Variants in STK39 observed in about 807,000 individuals in gnomAD.
STK39 encodes the protein serine/threonine kinase 39, also known as STE20/SPS1-related proline-alanine-rich protein kinase.
Under a neutral mutation model 77.8 loss-of-function variants are expected in STK39, and 20 were observed. The ratio of observed to expected loss-of-function variants is 0.26; its 90% confidence interval spans 0.18 to 0.37. STK39 has a LOEUF of 0.37. STK39 is among the 10% of genes least tolerant of loss of function. The pLI is 1.00. For synonymous variants in STK39, 246 were observed against 234.1 expected (o/e 1.05, Z -0.47); for missense variants, 479 against 656.5 (o/e 0.73, Z 2.95).
chr2:168,049,651 G>T (rs927750275), intron 14 of STK39, among the ~76,000 whole-genome samples: 3 of 152,212 alleles, frequency 2.0e-5, no homozygotes, highest in African/African-American at 7.2e-5. Flanking sequence ...AGAAGTAAAA[G>T]AAACAAGGCA....
intron 10 of STK39, among the ~76,000 whole-genome samples, chr2:168,115,276 A>G (rs186104164): frequency 6.3e-4 from 96 of 152,360 alleles, no homozygotes; most frequent in African/African-American, 2.3e-3. Context: ...CACTGAATTA[A>G]GCATATATAC....
intron 1 of STK39, among the ~76,000 whole-genome samples, chr2:168,237,814 G>T (rs910225392): frequency 6.6e-6 from 1 of 151,788 alleles, no homozygotes; most frequent in African/African-American, 2.4e-5. Flanking sequence ...CTATATTCTT[G>T]TACCACTTCT....
At chr2:168,214,689 C>T (rs1478234170) in intron 1 of STK39, among the ~76,000 whole-genome samples, 1 of 151,964 alleles carries the variant, frequency 6.6e-6, no homozygotes, top group Non-Finnish European at 1.5e-5. Context: ...AGAATATATA[C>T]AAAGGATATA....
intron 10 of STK39, among the ~76,000 whole-genome samples, chr2:168,094,452 T>C (rs892870139): frequency 6.6e-6 from 1 of 151,626 alleles, no homozygotes; most frequent in Non-Finnish European, 1.5e-5. Context: ...TCCTGCCCTT[T>C]ACAACCAAAC....
chr2:168,165,527 C>T (rs1329835160), intron 3 of STK39, among the ~76,000 whole-genome samples: 1 of 152,136 alleles, frequency 6.6e-6, no homozygotes, highest in Non-Finnish European at 1.5e-5. Flanking sequence ...AATAAAGGGG[C>T]AGTCCCAGCA....
intron 12 of STK39, among the ~76,000 whole-genome samples, chr2:168,065,790 A>T (rs1370917259): frequency 6.6e-6 from 1 of 152,220 alleles, no homozygotes; most frequent in African/African-American, 2.4e-5. Flanking sequence ...CAATGAAAAG[A>T]CGTTGGGGTT....
At position 167,993,422 on chromosome 2, in the gene STK39, C is replaced by T. The variant is rs11884818; in HGVS notation, c.1498+19212G>A. On this transcript the variant is annotated intron_variant, in intron 16 of 17. Transcript: ENST00000355999. ...ATGCAGTTGGCCAGGTGTGGTGGCT[C>T]GTGCCTGTAATCCCAGCACTTTGGG... Among the ~76,000 whole-genome samples, 317 of 152,276 alleles carry T rather than the reference C, an allele frequency of 2.1e-3. 4 individuals carry two copies. Among genetic ancestry groups the T allele is most frequent in the African/African-American group, 7.3e-3 (304 of 41,550 alleles).
intron 10 of STK39, among the ~76,000 whole-genome samples, chr2:168,098,360 C>A (rs1686729730): frequency 6.6e-6 from 1 of 152,184 alleles, no homozygotes; most frequent in Admixed American, 6.5e-5. Flanking sequence ...ATCCGTATCA[C>A]AAGGTGGTTT....
At chr2:168,018,995 C>A (rs2105323263) in intron 14 of STK39, among the ~76,000 whole-genome samples, 1 of 152,194 alleles carries the variant, frequency 6.6e-6, no homozygotes, top group South Asian at 2.1e-4. Flanking sequence ...GCCAATACCT[C>A]AAGACATGTC....
At chr2:168,085,575 A>G (rs765527903) in intron 10 of STK39, among the ~76,000 whole-genome samples, 2 of 152,250 alleles carry the variant, frequency 1.3e-5, no homozygotes, top group Non-Finnish European at 2.9e-5. Context: ...CATGATTTTG[A>G]GCCTAAGCCT....
chr2:168,166,339 G>A (rs1363031081), intron 3 of STK39, among the ~76,000 whole-genome samples: 1 of 152,228 alleles, frequency 6.6e-6, no homozygotes, highest in African/African-American at 2.4e-5. Flanking sequence ...TGATAGTGAT[G>A]TTAGAAGATT....
chr2:168,097,711 G>A (rs1339786966), intron 10 of STK39, among the ~76,000 whole-genome samples: 5 of 150,890 alleles, frequency 3.3e-5, no homozygotes, highest in South Asian at 2.1e-4. Flanking sequence ...TCCAGCCTGC[G>A]TGACAGAGCA....
At chr2:168,011,260 C>T (rs1473353974) in intron 16 of STK39, among the ~76,000 whole-genome samples, 2 of 152,118 alleles carry the variant, frequency 1.3e-5, no homozygotes, top group African/African-American at 4.8e-5. Flanking sequence ...GATTACACCA[C>T]TGCACTCCAG....
intron 16 of STK39, among the ~76,000 whole-genome samples, chr2:168,001,518 TTA>T (rs1491308287): frequency 8.9e-6 from 1 of 111,830 alleles, no homozygotes; most frequent in East Asian, 2.3e-4. Flanking sequence ...TCCTCTTTTT[TTA>T]AAAAAAAAAA....
chr2:168,152,368 C>T (rs1204194375), intron 5 of STK39, among the ~76,000 whole-genome samples: 1 of 152,182 alleles, frequency 6.6e-6, no homozygotes, highest in African/African-American at 2.4e-5. Context: ...CAAAACAGTA[C>T]TGAGAATGTC....
chr2:168,163,245 A>G (rs4668037), intron 4 of STK39, among the ~76,000 whole-genome samples: 42,542 of 152,022 alleles, frequency 0.28, 6,871 homozygotes, highest in East Asian at 0.56. Context: ...GAAGATGAGT[A>G]CCTCTTCCTT....
chr2:168,179,459 C>CA (rs1559135143), intron 2 of STK39, among the ~76,000 whole-genome samples: 2 of 151,940 alleles, frequency 1.3e-5, no homozygotes, highest in African/African-American at 2.4e-5. Context: ...CCATTTCCCC[C>CA]CTCTCTAAAT....
At chr2:168,224,117 T>C (rs146885111) in intron 1 of STK39, among the ~76,000 whole-genome samples, 76 of 152,048 alleles carry the variant, frequency 5.0e-4, no homozygotes, top group Middle Eastern at 6.8e-3. Flanking sequence ...CATATTCACA[T>C]AAACTTTGGC....
At chr2:168,094,320 C>G (rs963021105) in intron 10 of STK39, among the ~76,000 whole-genome samples, 3 of 152,146 alleles carry the variant, frequency 2.0e-5, no homozygotes, top group Non-Finnish European at 4.4e-5. Context: ...AAATGTGCAC[C>G]AAATGAAAAG....
Sources: gnomAD v4.1 joint callset for allele counts (sites outside exome capture counted in the v4.1 genomes callset) on GRCh38, gnomAD v4.1.1 for gene constraint, MANE v1.5 for transcripts, NCBI Gene and HGNC (gene_info 2026-07-23, HGNC 2026-07-21) for gene names.